Variants in CAMK2B observed in about 807,000 individuals in gnomAD.
CAMK2B encodes calcium/calmodulin-dependent protein kinase type II subunit beta.
Under a neutral mutation model 93.7 loss-of-function variants are expected in CAMK2B, and 27 were observed. The observed-to-expected ratio is 0.29, with a 90% CI of 0.21 to 0.40. The LOEUF (loss-of-function observed/expected upper bound fraction) is 0.40, where lower values mean the gene tolerates loss of function less well. Ranked by LOEUF, CAMK2B falls within the 10% of genes least tolerant of loss-of-function variation. The pLI, the probability that CAMK2B is intolerant of heterozygous loss-of-function variation, is 1.00. For synonymous variants in CAMK2B, 374 were observed against 358.8 expected (o/e 1.04, Z -0.48); for missense variants, 568 against 895.8 (o/e 0.63, Z 4.67).
intron 9 of CAMK2B, 77 bp downstream of exon 9, chr7:44,242,483 T>C: frequency 1.3e-6 from 2 of 1,506,452 alleles, no homozygotes; most frequent in Non-Finnish European, 1.8e-6. Flanking sequence ...ACCCCACTCC[T>C]AGCCTCTTCC....
chr7:44,240,509 G>A (rs1057077180), intron 12 of CAMK2B, among the ~76,000 whole-genome samples, 198 bp downstream of exon 12: 1 of 152,224 alleles, frequency 6.6e-6, no homozygotes, highest in Non-Finnish European at 1.5e-5. Flanking sequence ...TGGCCTCGGG[G>A]GGCTGGACCC....
At chr7:44,229,317 G>T in intron 18 of CAMK2B, 71 bp downstream of exon 18, 2 of 1,026,652 alleles carry the variant, frequency 1.9e-6, no homozygotes, top group African/African-American at 1.6e-5. Context: ...CCTCGGCTCT[G>T]GAGTGGCCCC....
intron 12 of CAMK2B, 72 bp from the exon 13 acceptor site, chr7:44,239,735 G>A (rs2096659130): frequency 9.4e-7 from 1 of 1,064,162 alleles, no homozygotes; most frequent in South Asian, 1.4e-5. Flanking sequence ...GGCGAGGTAA[G>A]GGAAGAAAAG....
chr7:44,290,762 T>C (rs768563889), intron 1 of CAMK2B, among the ~76,000 whole-genome samples: 1 of 152,240 alleles, frequency 6.6e-6, no homozygotes, highest in Non-Finnish European at 1.5e-5. Flanking sequence ...ACAGTAACTT[T>C]TATATGAACA....
intron 1 of CAMK2B, among the ~76,000 whole-genome samples, chr7:44,320,750 A>G (rs1795866245): frequency 6.6e-6 from 1 of 152,244 alleles, no homozygotes; most frequent in Non-Finnish European, 1.5e-5. Context: ...ACATTAAGGA[A>G]TCAAGACCAG....
chr7:44,265,934 G>A (rs1317350325), intron 2 of CAMK2B, among the ~76,000 whole-genome samples: 1 of 151,892 alleles, frequency 6.6e-6, no homozygotes, highest in African/African-American at 2.4e-5. Context: ...CACACACGTC[G>A]TATCGAGTGC....
In CAMK2B at chr7:44,325,524, G is replaced by A; in HGVS notation, c.-103C>T. On this transcript the variant is annotated 5_prime_UTR_variant, in exon 1 of 24. Transcript: ENST00000395749. ...CGGCGACACGGGCGCGGGCGCGGGA[G>A]ACACCTCGGCTCGCGGCGCCAGGCG... The A allele has an allele frequency of 6.1e-6, 4 of 658,714 alleles. No individual in the cohort carries two copies. Among genetic ancestry groups the A allele is most frequent in the Non-Finnish European group, 7.5e-6 (4 of 532,202 alleles). 40.8% of individuals were successfully genotyped at this position (658,714 alleles called of 1,614,324 possible).
chr7:44,247,830 C>T (rs894246614), intron 5 of CAMK2B, among the ~76,000 whole-genome samples: 1 of 152,182 alleles, frequency 6.6e-6, no homozygotes, highest in Non-Finnish European at 1.5e-5. Context: ...GAGTTCAAGA[C>T]CAGCCTGGCC....
chr7:44,234,251 G>A, intron 15 of CAMK2B, 139 bp downstream of exon 15: 1 of 701,408 alleles, frequency 1.4e-6, no homozygotes, highest in South Asian at 2.0e-5. Flanking sequence ...GAGGGATGAG[G>A]GGCGGGGGCC....
intron 4 of CAMK2B, 119 bp from the exon 5 acceptor site, chr7:44,254,726 T>G (rs2096817442): frequency 9.6e-6 from 5 of 520,578 alleles, no homozygotes; most frequent in South Asian, 5.6e-5. Flanking sequence ...CCATCATCAC[T>G]AATGTCACCA....
chr7:44,259,746 GCCCTGTA>G (rs1308808976), intron 3 of CAMK2B, among the ~76,000 whole-genome samples: 1 of 152,152 alleles, frequency 6.6e-6, no homozygotes, highest in Non-Finnish European at 1.5e-5. Context: ...CTGGAGATGT[GCCCTGTA>G]CTAAGCAGCA....
intron 1 of CAMK2B, among the ~76,000 whole-genome samples, chr7:44,305,700 G>A (rs919049512): frequency 3.3e-5 from 5 of 152,190 alleles, no homozygotes; most frequent in African/African-American, 7.2e-5. Flanking sequence ...AAGCAGGGCC[G>A]GGAGTTGGCA....
At chr7:44,238,564 C>T (rs899680887) in intron 13 of CAMK2B, among the ~76,000 whole-genome samples, 1 of 152,206 alleles carries the variant, frequency 6.6e-6, no homozygotes, top group East Asian at 1.9e-4. Flanking sequence ...CTGCCCTCCC[C>T]GAGGACGCCC....
chr7:44,251,693 G>T (rs749173462), intron 5 of CAMK2B, among the ~76,000 whole-genome samples: 2 of 152,234 alleles, frequency 1.3e-5, no homozygotes, highest in African/African-American at 2.4e-5. Flanking sequence ...CTCAATGGAG[G>T]CAGTGGAGTT....
chr7:44,228,636 C>T (rs960878075), intron 19 of CAMK2B, among the ~76,000 whole-genome samples, 160 bp downstream of exon 19: 1 of 152,112 alleles, frequency 6.6e-6, no homozygotes, highest in African/African-American at 2.4e-5. Context: ...TGCTGGTTAG[C>T]ATGGGAGCCC....
intron 1 of CAMK2B, among the ~76,000 whole-genome samples, chr7:44,316,691 C>T (rs1794898480): frequency 6.6e-6 from 1 of 152,170 alleles, no homozygotes; most frequent in Admixed American, 6.5e-5. Context: ...TCAGTCTCTA[C>T]TTGTTATAGG....
intron 2 of CAMK2B, among the ~76,000 whole-genome samples, chr7:44,278,671 A>T (rs1287104173): frequency 6.6e-6 from 1 of 152,214 alleles, no homozygotes; most frequent in Non-Finnish European, 1.5e-5. Context: ...GGAAGTGCCA[A>T]GCATCCTTCC....
intron 4 of CAMK2B, among the ~76,000 whole-genome samples, chr7:44,257,057 G>A (rs1049812803): frequency 4.6e-5 from 7 of 152,326 alleles, no homozygotes; most frequent in African/African-American, 1.7e-4. Flanking sequence ...TGTCCTCTGG[G>A]CGTGCAGGTG....
At position 44,312,681 on chromosome 7, in the gene CAMK2B, G is replaced by C. The variant is rs1334417960; in HGVS notation, c.65+12676C>G. ...AAAAAGAGAGGGAGAGAAACAGAGA[G>C]ACAGAGGAGACAGAGAAAGAGTAAC... On this transcript the variant is annotated intron_variant, in intron 1 of 23. Coordinates refer to ENST00000395749, the MANE Select transcript of CAMK2B (RefSeq NM_001220.5). This position sits in a 1 kb window ranked among gnomAD's most constrained non-coding sequence, Gnocchi z 4.1. Among the ~76,000 whole-genome samples, 1 of 152,140 alleles carries C rather than the reference G, an allele frequency of 6.6e-6. No individual in the cohort carries two copies. The highest frequency in any genetic ancestry group is 1.9e-4 in the East Asian group (1 of 5,196).
Sources: allele counts gnomAD v4.1 joint callset (sites outside exome capture counted in the v4.1 genomes callset), GRCh38; gene constraint gnomAD v4.1.1; non-coding constraint Gnocchi (gnomAD v3.1); transcripts MANE v1.5; gene names NCBI Gene and HGNC (gene_info 2026-07-23, HGNC 2026-07-21).